DNAJC1: variants seen among roughly 807,000 people sequenced by gnomAD.
DNAJC1 encodes the protein dnaJ homolog subfamily C member 1.
Under a neutral mutation model 76.6 loss-of-function variants are expected in DNAJC1, and 58 were observed. The observed-to-expected ratio is 0.76, with a 90% CI of 0.61 to 0.94. The LOEUF (loss-of-function observed/expected upper bound fraction) is 0.94. Ranked by LOEUF, DNAJC1 falls within the 40% of genes least tolerant of loss-of-function variation. The pLI, the probability that DNAJC1 is intolerant of heterozygous loss-of-function variation, is 0.00. For missense variants in DNAJC1, 689 were observed against 677.3 expected (o/e 1.02, Z -0.19); for synonymous variants, 258 against 267.9 (o/e 0.96, Z 0.36).
At chr10:21,967,672 T>C (rs1564840655) in intron 1 of DNAJC1, among the ~76,000 whole-genome samples, 2 of 152,204 alleles carry the variant, frequency 1.3e-5, no homozygotes. Context: ...AGAAAATGAT[T>C]TCCTTCTCAA....
chr10:21,775,529 A>C (rs1834443585), intron 9 of DNAJC1, among the ~76,000 whole-genome samples: 1 of 152,180 alleles, frequency 6.6e-6, no homozygotes, highest in Non-Finnish European at 1.5e-5. Context: ...CTCAATGCCT[A>C]GGGTGACTCA....
intron 9 of DNAJC1, among the ~76,000 whole-genome samples, chr10:21,796,057 C>A (rs1054262529): frequency 1.3e-5 from 2 of 151,408 alleles, no homozygotes; most frequent in African/African-American, 4.9e-5. Flanking sequence ...GCAACCGCCA[C>A]CTCCTGGGTT....
chr10:21,823,057 A>ATT (rs1835186271), intron 8 of DNAJC1, among the ~76,000 whole-genome samples: 1 of 152,112 alleles, frequency 6.6e-6, no homozygotes, highest in African/African-American at 2.4e-5. Flanking sequence ...CAGGGAAAAC[A>ATT]TAATAAAGAG....
rs560271399 is a variant in DNAJC1, at chr10:21,836,633, A to G, written c.979-30534T>C. On this transcript the variant is annotated intron_variant, in intron 8 of 11. Transcript: ENST00000376980. ...GCTCAAAATAATGGGATGGAGGAAG[A>G]TCTACCAAGCAAATGGAAAACAAAA... is the stretch of plus-strand genomic sequence containing the variant. Among the ~76,000 whole-genome samples the G allele has an allele frequency of 2.0e-5, 3 of 152,294 alleles. 1 individual carries two copies. In the South Asian group the frequency reaches 6.2e-4, roughly 32 times the overall value.
chr10:21,835,534 A>G (rs1467296340), intron 8 of DNAJC1, among the ~76,000 whole-genome samples: 1 of 152,220 alleles, frequency 6.6e-6, no homozygotes, highest in Non-Finnish European at 1.5e-5. Flanking sequence ...ACTCCGAGCT[A>G]AAGGAGGAAA....
intron 11 of DNAJC1, among the ~76,000 whole-genome samples, chr10:21,757,144 C>T (rs542160233): frequency 6.6e-6 from 1 of 152,212 alleles, no homozygotes; most frequent in Admixed American, 6.5e-5. Context: ...AGTCTTCTTC[C>T]GTGGGTCTGG....
Position 21,813,798 on chromosome 10 carries a change from TCC to T in DNAJC1, c.979-7701_979-7700del. 2.0e-5 allele frequency among the ~76,000 whole-genome samples: 3 copies of T among 152,286 alleles called. No individual in the cohort carries two copies. The East Asian group carries it at 5.8e-4, about 29-fold the overall frequency. On this transcript the variant is annotated intron_variant, in intron 8 of 11. Transcript: ENST00000376980. ...AATTTGAGTTACCTAAGTTCAGGAT[TCC>T]CCATCTGTAATACACCGCACTGGTT...
At chr10:21,959,106 A>C (rs1454831637) in intron 1 of DNAJC1, among the ~76,000 whole-genome samples, 2 of 152,014 alleles carry the variant, frequency 1.3e-5, no homozygotes, top group Non-Finnish European at 2.9e-5. Context: ...ACAAAACACC[A>C]AGAAATCCAA....
rs540808146 is a variant in DNAJC1, at chr10:21,884,259, G to A, written c.821-1820C>T. 1.1e-4 allele frequency among the ~76,000 whole-genome samples: 16 copies of A among 152,230 alleles called. No homozygotes were observed. In the East Asian group the frequency reaches 3.1e-3, roughly 29 times the overall value. On this transcript the variant is annotated intron_variant, in intron 7 of 11. Transcript: ENST00000376980. ...CCCAATAGAAAAATATAGGCAAAAG[G>A]TCATAAATGGGCAATCCACAATTGA...
intron 1 of DNAJC1, among the ~76,000 whole-genome samples, chr10:21,950,854 C>A (rs1003618035): frequency 3.3e-5 from 5 of 152,128 alleles, no homozygotes; most frequent in Admixed American, 6.5e-5. Flanking sequence ...CTCTTCATTT[C>A]TGAGAAGGAC....
chr10:21,782,952 T>C (rs1192931006), intron 9 of DNAJC1, among the ~76,000 whole-genome samples: 2 of 152,190 alleles, frequency 1.3e-5, no homozygotes, highest in African/African-American at 4.8e-5. Flanking sequence ...TCACATTGAA[T>C]TGACAAAAAC....
intron 1 of DNAJC1, among the ~76,000 whole-genome samples, chr10:21,986,152 G>A (rs1191582214): frequency 2.6e-5 from 4 of 152,118 alleles, no homozygotes; most frequent in East Asian, 3.9e-4. Flanking sequence ...GCGTGAACCC[G>A]GGAGGCGGAG....
chr10:21,997,575 T>C (rs1838439388), intron 1 of DNAJC1, among the ~76,000 whole-genome samples: 1 of 152,170 alleles, frequency 6.6e-6, no homozygotes, highest in Non-Finnish European at 1.5e-5. Context: ...CACACCGCCA[T>C]GGTAAGATGT....
At chr10:21,827,143 T>G (rs1224837596) in intron 8 of DNAJC1, among the ~76,000 whole-genome samples, 1 of 152,170 alleles carries the variant, frequency 6.6e-6, no homozygotes. Context: ...TTTGGACGTT[T>G]TCAGTGTTAC....
At chr10:22,001,441 G>A (rs1286431722) in intron 1 of DNAJC1, among the ~76,000 whole-genome samples, 1 of 152,076 alleles carries the variant, frequency 6.6e-6, no homozygotes, top group Admixed American at 6.5e-5. Flanking sequence ...TAATACAGCT[G>A]GATAGAGAAA....
chr10:21,944,137 T>A (rs1419542172), intron 1 of DNAJC1, among the ~76,000 whole-genome samples: 1 of 151,326 alleles, frequency 6.6e-6, no homozygotes, highest in Non-Finnish European at 1.5e-5. Context: ...AAAATAAATG[T>A]TGAAACTAAT....
At chr10:21,897,771 T>G (rs115912474) in intron 7 of DNAJC1, among the ~76,000 whole-genome samples, 1 of 152,194 alleles carries the variant, frequency 6.6e-6, no homozygotes, top group Non-Finnish European at 1.5e-5. Context: ...ACATCATACT[T>G]AACGGTGTAA....
intron 6 of DNAJC1, among the ~76,000 whole-genome samples, chr10:21,909,165 G>A (rs562438442): frequency 2.0e-5 from 3 of 152,282 alleles, no homozygotes; most frequent in Non-Finnish European, 4.4e-5. Flanking sequence ...TGGGATTACA[G>A]GCGTAAGCCA....
chr10:21,970,428 T>C (rs77388440), intron 1 of DNAJC1, among the ~76,000 whole-genome samples: 1,841 of 151,980 alleles, frequency 0.012, 21 homozygotes, highest in Middle Eastern at 0.027. Context: ...AATTTAAAAA[T>C]AGCACTGGAA....
Sources: allele counts gnomAD v4.1 joint callset (sites outside exome capture counted in the v4.1 genomes callset), GRCh38; gene constraint gnomAD v4.1.1; transcripts MANE v1.5; gene names NCBI Gene and HGNC (gene_info 2026-07-23, HGNC 2026-07-21).